The following MESD variants were observed in gnomAD, a reference collection of about 807,000 sequenced individuals.
The protein encoded by MESD is mesoderm development LRP chaperone, also known as LRP chaperone MESD.
A neutral mutation model predicts 12.9 loss-of-function variants in MESD; 7 were observed. The observed-to-expected ratio is 0.54, with a 90% CI of 0.31 to 1.02. MESD has a LOEUF of 1.02. Among genes scored for constraint, MESD ranks in the 50% least tolerant of loss-of-function variants. The probability of loss-of-function intolerance (pLI) is 0.05; values close to 1 mark genes in which losing one functional copy is unlikely to be tolerated. For synonymous variants in MESD, 126 were observed against 115.6 expected, an observed-to-expected ratio of 1.09 and a Z score of -0.58; for missense variants, 342 against 296.7, an observed-to-expected ratio of 1.15 and a Z score of -1.12.
intron 1 of MESD, among the ~76,000 whole-genome samples, chr15:80,989,186 G>A (rs139416628): frequency 1.1e-3 from 175 of 152,326 alleles, no homozygotes; most frequent in Non-Finnish European, 2.1e-3. Context: ...CAAAACAGAA[G>A]GAAATGCTCT....
At chr15:80,960,596 T>C (rs996297365) in intron 3 of MESD, among the ~76,000 whole-genome samples, 3 of 152,166 alleles carry the variant, frequency 2.0e-5, no homozygotes, top group African/African-American at 7.2e-5. Flanking sequence ...TGATATATGG[T>C]TGAATAATGA....
chr15:80,977,946 G>T lies in MESD; in HGVS notation c.*1273C>A, dbSNP rs1346854473. 6.6e-6 allele frequency: 1 copy of T among 152,268 alleles called. No homozygotes were observed. Among genetic ancestry groups the T allele is most frequent in the Non-Finnish European group, 1.5e-5 (1 of 68,080 alleles). The allele number at this position is 152,268 out of a possible 1,614,324, so 9.4% of individuals were successfully genotyped here. On this transcript the variant is annotated 3_prime_UTR_variant, in exon 3 of 3. Transcript: ENST00000261758. ...AAGCAGAGAACTGAGAATGCAGAGG[G>T]TGTGGTTCTTTCGAGGGAAATGTGA...
intron 3 of MESD, among the ~76,000 whole-genome samples, chr15:80,953,928 C>T (rs146183026): frequency 2.4e-4 from 37 of 152,260 alleles, no homozygotes; most frequent in African/African-American, 8.2e-4. Flanking sequence ...GAGTTGGGCA[C>T]ACAGGCAGTC....
At chr15:80,955,638 T>TGTGTGTGTGA (rs1261492232) in intron 3 of MESD, among the ~76,000 whole-genome samples, 2 of 150,264 alleles carry the variant, frequency 1.3e-5, no homozygotes, top group Non-Finnish European at 3.0e-5. Context: ...TGTGTGTGTG[T>TGTGTGTGTGA]GAGAGAGACA....
chr15:80,989,566 G>T lies in MESD; in HGVS notation c.213+13C>A. 1 of 1,611,054 alleles carries T rather than the reference G, an allele frequency of 6.2e-7. No homozygotes were observed. On this transcript the variant is annotated intron_variant, in intron 1 of 2. Coordinates refer to ENST00000261758, the MANE Select transcript of MESD (RefSeq NM_015154.3). Reference sequence around the variant, plus strand: ...ACAGAGAAGAGCCGGGAGGGTGTGCGCGCGCCGCGGACCTCCCATTGCTCC... The same window carrying T: ...ACAGAGAAGAGCCGGGAGGGTGTGCTCGCGCCGCGGACCTCCCATTGCTCC...
At chr15:80,957,148 A>C (rs1367791225) in intron 3 of MESD, among the ~76,000 whole-genome samples, 2 of 152,148 alleles carry the variant, frequency 1.3e-5, no homozygotes, top group Non-Finnish European at 1.5e-5. Flanking sequence ...TTGTGGGAGG[A>C]AATTGTCTCA....
intron 4 of MESD, chr15:80,951,403 T>C (rs1266430949): frequency 2.6e-5 from 4 of 152,588 alleles, no homozygotes; most frequent in Non-Finnish European, 5.9e-5. Flanking sequence ...GCTTAGAAAA[T>C]TGTCCTCCTT....
In MESD at chr15:80,979,465, T is replaced by C; in HGVS notation, c.459A>G (p.Gly153=). Reference sequence around the variant, plus strand: ...GAAGCATGAAGATAGCACGGTCTGATCCCACAATGAACCTTGGGCAGAGAG... The same window carrying C: ...GAAGCATGAAGATAGCACGGTCTGACCCCACAATGAACCTTGGGCAGAGAG... ...ANYDVQRFIV[G]SDRAIFMLRD... The change falls in exon 3 of 3, where the codon GGA becomes GGG. Residue 153 remains glycine, a synonymous_variant. Transcript: ENST00000261758. 1 of 1,614,134 alleles carries C rather than the reference T, an allele frequency of 6.2e-7. No homozygotes were observed. Among genetic ancestry groups the C allele is most frequent in the South Asian group, 1.1e-5 (1 of 91,076 alleles).
downstream of MESD, among the ~76,000 whole-genome samples, chr15:80,973,369 A>G (rs923057226): frequency 3.3e-5 from 5 of 151,978 alleles, no homozygotes; most frequent in African/African-American, 1.2e-4. Context: ...CAACAACAAC[A>G]ACAACAAAAC....
intron 4 of MESD, chr15:80,949,268 GCAGGAGCCCTGACC>G (rs1465813801): frequency 2.6e-6 from 1 of 384,848 alleles, no homozygotes; most frequent in Admixed American, 3.7e-5. Context: ...ATCCACTTTG[GCAGGAGCCCTGACC>G]CAGCTAGGAG....
downstream of MESD, chr15:80,947,056 A>C (rs1410519425): frequency 6.2e-7 from 1 of 1,611,930 alleles, no homozygotes; most frequent in Non-Finnish European, 8.5e-7. Context: ...CAGGGGTCTC[A>C]AGTTGAAAGG....
chr15:80,955,487 CAAAAAAAAAA>C (rs1169755665), intron 3 of MESD, among the ~76,000 whole-genome samples: 1 of 45,624 alleles, frequency 2.2e-5, no homozygotes, highest in South Asian at 7.5e-4. Context: ...GACTCCGTCT[CAAAAAAAAAA>C]AAAAAAAAGA....
intron 3 of MESD, among the ~76,000 whole-genome samples, chr15:80,955,261 G>A (rs377729499): frequency 5.3e-5 from 8 of 151,034 alleles, no homozygotes; most frequent in South Asian, 2.1e-4. Context: ...CGAGGCGGGC[G>A]GATCACGAGG....
chr15:80,952,580 C>T (rs1290201501), intron 3 of MESD, among the ~76,000 whole-genome samples: 2 of 151,848 alleles, frequency 1.3e-5, no homozygotes, highest in African/African-American at 4.8e-5. Flanking sequence ...GCTCCTGGGT[C>T]TTATGCATTG....
At chr15:80,965,524 T>C (rs1448710886) in intron 3 of MESD, among the ~76,000 whole-genome samples, 1 of 152,206 alleles carries the variant, frequency 6.6e-6, no homozygotes, top group Non-Finnish European at 1.5e-5. Context: ...TGTGGCACCA[T>C]TCACAATAGA....
At chr15:80,959,175 T>G (rs1009237351) in intron 3 of MESD, among the ~76,000 whole-genome samples, 3 of 151,928 alleles carry the variant, frequency 2.0e-5, no homozygotes, top group Admixed American at 6.6e-5. Context: ...GCTGTTGGAG[T>G]TGGGGGAGAC....
At chr15:80,981,593 C>A (rs1045757736) in intron 2 of MESD, among the ~76,000 whole-genome samples, 1 of 152,212 alleles carries the variant, frequency 6.6e-6, no homozygotes, top group East Asian at 1.9e-4. Context: ...TGGTGGCTCA[C>A]GCCTGTAATC....
At chr15:80,969,838 G>C (rs1323725811) in intron 3 of MESD, among the ~76,000 whole-genome samples, 1 of 152,192 alleles carries the variant, frequency 6.6e-6, no homozygotes, top group East Asian at 1.9e-4. Flanking sequence ...CTGGGCGACA[G>C]AGCAAGGCTC....
At chr15:80,988,609 T>C (rs1902799612) in intron 1 of MESD, among the ~76,000 whole-genome samples, 1 of 152,228 alleles carries the variant, frequency 6.6e-6, no homozygotes, top group South Asian at 2.1e-4. Flanking sequence ...TGCATTCTTC[T>C]AGTCAGATGC....
Sources: gnomAD v4.1 joint callset for allele counts (sites outside exome capture counted in the v4.1 genomes callset) on GRCh38, gnomAD v4.1.1 for gene constraint, MANE v1.5 for transcripts, NCBI Gene and HGNC (gene_info 2026-07-23, HGNC 2026-07-21) for gene names.